The following NEURL1 variants were observed in gnomAD, a reference collection of about 807,000 sequenced individuals.
NEURL1 encodes E3 ubiquitin-protein ligase NEURL1.
In NEURL1, 26 loss-of-function variants were observed where a neutral mutation model predicts 41.2. That is an observed-to-expected ratio of 0.63 (90% CI 0.46 to 0.87). The LOEUF is 0.87. Ranked by LOEUF, NEURL1 falls within the 40% of genes least tolerant of loss-of-function variation. NEURL1 has a pLI of 0.00. For synonymous variants in NEURL1, 400 were observed against 402.3 expected (o/e 0.99, Z 0.07); for missense variants, 761 against 871.1 (o/e 0.87, Z 1.59).
At chr10:103,580,015 C>T (rs545897869) in intron 3 of NEURL1, among the ~76,000 whole-genome samples, 1 of 152,272 alleles carries the variant, frequency 6.6e-6, no homozygotes, top group African/African-American at 2.4e-5. Flanking sequence ...CTCTTGGCTC[C>T]CAGGGCCCAG....
rs571662752 is a variant in NEURL1 at position 103,566,353 on chromosome 10, C to T, written c.86-4519C>T. 2.0e-5 allele frequency among the ~76,000 whole-genome samples: 3 copies of T among 152,136 alleles called. No homozygotes were observed. Among genetic ancestry groups the T allele is most frequent in the Non-Finnish European group, 4.4e-5 (3 of 68,030 alleles). ...ATCGCCATAAAAACTTCCTTCCTGC[C>T]TCTTTGTAGTCAAATCTCTCCCCTA... On this transcript the variant is annotated intron_variant, in intron 1 of 5. Coordinates refer to ENST00000369780, the MANE Select transcript of NEURL1 (RefSeq NM_004210.5). The surrounding 1 kb of genome is among the most constrained non-coding windows in gnomAD (Gnocchi z 4.2).
At chr10:103,580,875 C>A (rs530614337) in intron 3 of NEURL1, among the ~76,000 whole-genome samples, 1 of 152,312 alleles carries the variant, frequency 6.6e-6, no homozygotes, top group Admixed American at 6.5e-5. Flanking sequence ...TCCACTGTTT[C>A]TCCTTTCTTT....
chr10:103,576,038 C>G (rs564849954), intron 3 of NEURL1, among the ~76,000 whole-genome samples: 2 of 152,348 alleles, frequency 1.3e-5, no homozygotes, highest in South Asian at 2.1e-4. Flanking sequence ...TGCCTAGGCA[C>G]TAAGCGGGGG....
chr10:103,502,446 T>C (rs1314591367), intron 1 of NEURL1, among the ~76,000 whole-genome samples: 1 of 152,184 alleles, frequency 6.6e-6, no homozygotes, highest in African/African-American at 2.4e-5. Flanking sequence ...ACATGGCCTG[T>C]CCTTGGTGTG....
intron 5 of NEURL1, 141 bp from the exon 6 acceptor site, chr10:103,589,993 C>T (rs983141013): frequency 1.0e-5 from 9 of 885,452 alleles, no homozygotes; most frequent in African/African-American, 1.6e-5. Flanking sequence ...TTCCCTTGTG[C>T]CCTGGAAGTT....
At chr10:103,507,065 T>A (rs1202914647) in intron 1 of NEURL1, among the ~76,000 whole-genome samples, 1 of 152,200 alleles carries the variant, frequency 6.6e-6, no homozygotes, top group Non-Finnish European at 1.5e-5. Flanking sequence ...TTGCCCTACC[T>A]GCTTTCTCAT....
chr10:103,591,785 C>T lies in NEURL1; in HGVS notation c.*1413C>T, dbSNP rs141423692. ...ACCTCAGGTGGCCCAGGAGGTCCCC[C>T]CTCCATAAGGACGTCAAACTTCCAG... On this transcript the variant is annotated 3_prime_UTR_variant, in exon 6 of 6. Coordinates refer to ENST00000369780, the MANE Select transcript of NEURL1 (RefSeq NM_004210.5). 6.6e-6 allele frequency: 1 copy of T among 152,372 alleles called. No individual in the cohort carries two copies. Among genetic ancestry groups the T allele is most frequent in the Non-Finnish European group, 1.5e-5 (1 of 68,044 alleles). The allele number at this position is 152,372 out of a possible 1,614,324, so 9.4% of individuals were successfully genotyped here.
intron 1 of NEURL1, among the ~76,000 whole-genome samples, chr10:103,525,664 T>A (rs186783331): frequency 6.6e-6 from 1 of 152,300 alleles, no homozygotes; most frequent in East Asian, 1.9e-4. Context: ...GTCTTTTGTT[T>A]TTCTATATAT....
chr10:103,542,320 C>T (rs2034837138), intron 1 of NEURL1, among the ~76,000 whole-genome samples: 1 of 152,178 alleles, frequency 6.6e-6, no homozygotes. Flanking sequence ...AGTACAGTGG[C>T]GTGATCTCTG....
At chr10:103,538,855 C>T (rs1404802048) in intron 1 of NEURL1, among the ~76,000 whole-genome samples, 1 of 151,610 alleles carries the variant, frequency 6.6e-6, no homozygotes, top group African/African-American at 2.4e-5. Flanking sequence ...CCGTATTGGT[C>T]AGGCTGGTCT....
At chr10:103,589,701 G>T (rs780475199) in intron 5 of NEURL1, 41 bp downstream of exon 5, 2 of 1,577,916 alleles carry the variant, frequency 1.3e-6, no homozygotes, top group Admixed American at 1.8e-5. Flanking sequence ...GACCATGTGG[G>T]ACTGCAGCAA....
chr10:103,516,644 A>G (rs1475680327), intron 1 of NEURL1, among the ~76,000 whole-genome samples: 5 of 152,118 alleles, frequency 3.3e-5, no homozygotes, highest in African/African-American at 1.2e-4. Context: ...AGAATCAGGA[A>G]AGGTCAGAGG....
chr10:103,582,331 C>G, intron 3 of NEURL1, among the ~76,000 whole-genome samples: 1 of 152,180 alleles, frequency 6.6e-6, no homozygotes, highest in South Asian at 2.1e-4. Flanking sequence ...TTTGTCTCTC[C>G]TACCTCCCCC....
chr10:103,501,252 A>T (rs958286208), intron 1 of NEURL1, among the ~76,000 whole-genome samples: 1 of 152,206 alleles, frequency 6.6e-6, no homozygotes, highest in African/African-American at 2.4e-5. Context: ...AGATGCATGT[A>T]GTGATTTTAT....
intron 1 of NEURL1, among the ~76,000 whole-genome samples, chr10:103,521,736 A>T (rs1448974943): frequency 6.6e-6 from 1 of 152,156 alleles, no homozygotes; most frequent in Admixed American, 6.5e-5. Context: ...CGGAAGTTTC[A>T]TTGGGAGAGT....
chr10:103,504,333 A>G (rs1057088266), intron 1 of NEURL1, among the ~76,000 whole-genome samples: 3 of 151,952 alleles, frequency 2.0e-5, no homozygotes, highest in African/African-American at 7.3e-5. Flanking sequence ...GGTTGTGACA[A>G]TTTCTCACAC....
chr10:103,513,175 T>C (rs1238534642), intron 1 of NEURL1, among the ~76,000 whole-genome samples: 1 of 152,186 alleles, frequency 6.6e-6, no homozygotes, highest in Non-Finnish European at 1.5e-5. Flanking sequence ...CCAGGTCTGC[T>C]GAGCCTCTCG....
At position 103,556,434 on chromosome 10, in the gene NEURL1, A is replaced by C. The variant is rs1427272263; in HGVS notation, c.86-14438A>C. ...CTCCCTGCTTGGATGGGGTATTAGG[A>C]GGTGGGACAGTGTCCATCTGCCGAG... On this transcript the variant is annotated intron_variant, in intron 1 of 5. Transcript: ENST00000369780. This position sits in a 1 kb window ranked among gnomAD's most constrained non-coding sequence, Gnocchi z 4.4. Among the ~76,000 whole-genome samples, 4 of 151,722 alleles carry C rather than the reference A, an allele frequency of 2.6e-5. No individual in the cohort carries two copies. The highest frequency in any genetic ancestry group is 4.4e-5 in the Non-Finnish European group (3 of 67,954).
chr10:103,552,599 T>C (rs573713133), intron 1 of NEURL1, among the ~76,000 whole-genome samples: 2 of 152,354 alleles, frequency 1.3e-5, no homozygotes, highest in South Asian at 2.1e-4. Context: ...GTTGTGATGA[T>C]ATACTCCTTA....
Sources: allele counts gnomAD v4.1 joint callset (sites outside exome capture counted in the v4.1 genomes callset), GRCh38; gene constraint gnomAD v4.1.1; non-coding constraint Gnocchi (gnomAD v3.1); transcripts MANE v1.5; gene names NCBI Gene and HGNC (gene_info 2026-07-23, HGNC 2026-07-21).